Variants in CACNA1C observed in about 807,000 individuals in gnomAD.
The protein encoded by CACNA1C is calcium voltage-gated channel subunit alpha1 C.
CACNA1C carries 30 observed loss-of-function variants against 229.0 expected under a neutral mutation model. The ratio of observed to expected loss-of-function variants is 0.13; its 90% CI spans 0.10 to 0.18. The LOEUF is 0.18. CACNA1C is among the 10% of genes least tolerant of loss of function. The probability of loss-of-function intolerance (pLI) is 1.00; values close to 1 mark genes in which losing one functional copy is unlikely to be tolerated. For synonymous variants in CACNA1C, 1,114 were observed against 1,132.5 expected, an observed-to-expected ratio of 0.98 and a Z score of 0.33; for missense variants, 1,658 against 2,845.0, an observed-to-expected ratio of 0.58 and a Z score of 9.49.
At position 2,411,404 on chromosome 12, in the gene CACNA1C, C is replaced by G. The variant is rs528161696; in HGVS notation, c.478-37572C>G. 5.9e-5 allele frequency among the ~76,000 whole-genome samples: 9 copies of G among 152,228 alleles called. No homozygotes were observed. The South Asian group carries it at 1.9e-3, about 32-fold the overall frequency. On this transcript the variant is annotated intron_variant, in intron 3 of 46. Coordinates refer to ENST00000399655, the MANE Select transcript of CACNA1C (RefSeq NM_000719.7). The stretch of plus-strand genomic sequence containing the variant: ...TGAGGGGCTGGAGGTGGGGGGTACA[C>G]TGGAATGTTACGGTTCTATTTTTCG...
rs1057434860 is a variant in CACNA1C, at chr12:2,692,631, A to G, written c.*1432A>G. 1.3e-5 allele frequency: 2 copies of G among 152,672 alleles called. No individual in the cohort carries two copies. The highest frequency in any genetic ancestry group is 4.8e-5 in the African/African-American group (2 of 41,458). 9.5% of individuals were successfully genotyped at this position (152,672 alleles called of 1,614,324 possible). ...GCAATAATATTCATTTAAAAATACA[A>G]TTGTGAGTTGTGTTGGCATTAAAAC... On this transcript the variant is annotated 3_prime_UTR_variant, in exon 47 of 47. Coordinates refer to ENST00000399655, the MANE Select transcript of CACNA1C (RefSeq NM_000719.7).
chr12:2,442,727 G>A (rs922032421), intron 3 of CACNA1C, among the ~76,000 whole-genome samples: 5 of 152,366 alleles, frequency 3.3e-5, no homozygotes, highest in Admixed American at 1.3e-4. Context: ...GAGGCCTCAG[G>A]AGGCTTCCAA....
intron 1 of CACNA1C, among the ~76,000 whole-genome samples, chr12:1,989,076 T>C (rs1044523364): frequency 5.9e-5 from 9 of 152,228 alleles, no homozygotes; most frequent in African/African-American, 2.2e-4. Flanking sequence ...TTCAACTTGT[T>C]GGCCTAGCTC....
chr12:2,594,091 C>T (rs1457457376), intron 19 of CACNA1C, among the ~76,000 whole-genome samples: 1 of 152,192 alleles, frequency 6.6e-6, no homozygotes, highest in Non-Finnish European at 1.5e-5. Flanking sequence ...TTGTGAGTAA[C>T]CTAACGTTTA....
chr12:2,380,535 G>A (rs984899219), intron 3 of CACNA1C, among the ~76,000 whole-genome samples: 3 of 152,136 alleles, frequency 2.0e-5, no homozygotes, highest in African/African-American at 7.2e-5. Context: ...TCACCCCTCT[G>A]GGAGCCCGGT....
chr12:2,016,862 A>C (rs1346043059), intron 1 of CACNA1C, among the ~76,000 whole-genome samples: 1 of 152,228 alleles, frequency 6.6e-6, no homozygotes, highest in East Asian at 1.9e-4. Context: ...TAATTGATGT[A>C]GGACGTGGCC....
chr12:2,503,325 T>G (rs762079082), intron 7 of CACNA1C, among the ~76,000 whole-genome samples: 2 of 152,222 alleles, frequency 1.3e-5, no homozygotes, highest in South Asian at 4.1e-4. Context: ...CTTGGAAGTT[T>G]GGGTTTCTAT....
rs115699159 is a variant in CACNA1C, at chr12:1,980,834, G to A, written c.139+9633G>A. ...CAGGGCCAGGAGGAAACAGAGATGT[G>A]GCCTGTTTTCATGTATCATAATTAA... On this transcript the variant is annotated intron_variant, in intron 1 of 46. Coordinates refer to the CACNA1C transcript ENST00000682462. Among the ~76,000 whole-genome samples, 1,151 of 151,848 alleles carry A rather than the reference G, an allele frequency of 7.6e-3. 11 individuals are homozygous for A. The highest frequency in any genetic ancestry group is 0.026 in the African/African-American group (1,090 of 41,400).
intron 3 of CACNA1C, among the ~76,000 whole-genome samples, chr12:2,166,877 C>A (rs1034292521): frequency 6.6e-6 from 1 of 152,270 alleles, no homozygotes; most frequent in East Asian, 1.9e-4. Context: ...TGGGAGTGTG[C>A]AGGATGTGAG....
chr12:2,488,113 A>G lies in CACNA1C; in HGVS notation c.916+1851A>G, dbSNP rs762273735. Among the ~76,000 whole-genome samples, 25 of 152,234 alleles carry G rather than the reference A, an allele frequency of 1.6e-4. No individual in the cohort carries two copies. Among genetic ancestry groups the G allele is most frequent in the African/African-American group, 5.3e-4 (22 of 41,468 alleles). ...GTAGAATTCAGCCATCGAGCCAAAG[A>G]TGGCGGCCCTGCTGTGCAATCAGAG... On this transcript the variant is annotated intron_variant, in intron 6 of 46. Transcript: ENST00000399655. The surrounding 1 kb of genome is among the most constrained non-coding windows in gnomAD (Gnocchi z 4.0).
At chr12:2,609,703 C>G (rs1478285135) in intron 27 of CACNA1C, among the ~76,000 whole-genome samples, 1 of 151,766 alleles carries the variant, frequency 6.6e-6, no homozygotes, top group Non-Finnish European at 1.5e-5. Context: ...GATCTGGAAG[C>G]CTGGGCAAAG....
At chr12:2,044,211 T>G (rs2050686049) in intron 1 of CACNA1C, among the ~76,000 whole-genome samples, 1 of 152,212 alleles carries the variant, frequency 6.6e-6, no homozygotes, top group African/African-American at 2.4e-5. Context: ...TGACTTTGAC[T>G]GAAGGAAGAC....
intron 3 of CACNA1C, among the ~76,000 whole-genome samples, chr12:2,144,309 A>G (rs2094522255): frequency 6.6e-6 from 1 of 151,316 alleles, no homozygotes; most frequent in South Asian, 2.1e-4. Context: ...GACCAATGGT[A>G]GGAGTGCTGG....
intron 3 of CACNA1C, among the ~76,000 whole-genome samples, chr12:2,385,341 G>A (rs537122790): frequency 9.2e-5 from 14 of 151,524 alleles, no homozygotes; most frequent in African/African-American, 3.4e-4. Context: ...TCCCTCTCCC[G>A]GCAACGGAAC....
chr12:2,161,543 A>T (rs1298684980), intron 3 of CACNA1C, among the ~76,000 whole-genome samples: 1 of 152,214 alleles, frequency 6.6e-6, no homozygotes, highest in Non-Finnish European at 1.5e-5. Context: ...CAGCGGAGAT[A>T]AATGCTTCGG....
intron 1 of CACNA1C, among the ~76,000 whole-genome samples, chr12:2,030,075 C>T (rs890382942): frequency 2.0e-5 from 3 of 152,154 alleles, no homozygotes; most frequent in Non-Finnish European, 2.9e-5. Context: ...ATAGGTGGGC[C>T]CTCTGGGTCT....
chr12:2,561,492 G>A (rs1327197781), intron 11 of CACNA1C, among the ~76,000 whole-genome samples: 4 of 152,252 alleles, frequency 2.6e-5, no homozygotes, highest in Admixed American at 1.3e-4. Flanking sequence ...TAACTAAAAT[G>A]AGTAATGCAG....
At chr12:2,407,770 G>A (rs1055660893) in intron 3 of CACNA1C, among the ~76,000 whole-genome samples, 37 of 152,226 alleles carry the variant, frequency 2.4e-4, no homozygotes, top group Non-Finnish European at 4.1e-4. Flanking sequence ...GTGTGCAGTG[G>A]TATTGATTTG....
At chr12:2,084,162 A>G (rs1278368856) in intron 1 of CACNA1C, among the ~76,000 whole-genome samples, 1 of 152,204 alleles carries the variant, frequency 6.6e-6, no homozygotes, top group Non-Finnish European at 1.5e-5. Context: ...GTTGTCCTTG[A>G]AATCCAGCTT....
Sources: gnomAD v4.1 joint callset for allele counts (sites outside exome capture counted in the v4.1 genomes callset) on GRCh38, gnomAD v4.1.1 for gene constraint, Gnocchi (gnomAD v3.1) non-coding constraint, MANE v1.5 for transcripts, NCBI Gene and HGNC (gene_info 2026-07-23, HGNC 2026-07-21) for gene names.